Variants in UGCG observed in about 807,000 individuals in gnomAD.
The protein encoded by UGCG is ceramide glucosyltransferase.
Under a neutral mutation model 49.5 loss-of-function variants are expected in UGCG, and 10 were observed. The observed-to-expected ratio is 0.20, with a 90% CI of 0.12 to 0.34. The LOEUF (loss-of-function observed/expected upper bound fraction) is 0.34. Ranked by LOEUF, UGCG falls within the 10% of genes least tolerant of loss-of-function variation. The probability of loss-of-function intolerance (pLI) is 1.00; values close to 1 mark genes in which losing one functional copy is unlikely to be tolerated. For synonymous variants in UGCG, 182 were observed against 158.2 expected (o/e 1.15, Z -1.13); for missense variants, 312 against 483.7 (o/e 0.65, Z 3.33).
At chr9:111,899,404 CTT>C (rs1041855025) in intron 1 of UGCG, among the ~76,000 whole-genome samples, 1 of 152,140 alleles carries the variant, frequency 6.6e-6, no homozygotes, top group Non-Finnish European at 1.5e-5. Context: ...ACATTGAGCA[CTT>C]TTAAAATATG....
chr9:111,926,469 A>G lies in UGCG; in HGVS notation c.531A>G (p.Arg177=), dbSNP rs756186992. 55 of 1,610,422 alleles carry G rather than the reference A, an allele frequency of 3.4e-5. No individual in the cohort carries two copies. Among genetic ancestry groups the G allele is most frequent in the Non-Finnish European group, 4.4e-5 (52 of 1,177,592 alleles). ...ACGGGCTGCCTTACGTAGCAGACAGACAGGGCTTTGCTGCCACCTTAGAGC... is the reference window on the plus strand; with the variant it reads ...ACGGGCTGCCTTACGTAGCAGACAGGCAGGGCTTTGCTGCCACCTTAGAGC... ...LVHGLPYVAD[R]QGFAATLEQV... Residue 177 remains arginine (R), a synonymous_variant, in exon 5 of 9, where the codon AGA becomes AGG. Coordinates refer to ENST00000374279, the MANE Select transcript of UGCG (RefSeq NM_003358.3).
intron 1 of UGCG, among the ~76,000 whole-genome samples, chr9:111,897,554 TAAA>T (rs747232592): frequency 1.3e-5 from 2 of 152,150 alleles, no homozygotes; most frequent in Non-Finnish European, 2.9e-5. Flanking sequence ...CCAGCCAGGC[TAAA>T]GGAGACTGCT....
intron 4 of UGCG, among the ~76,000 whole-genome samples, chr9:111,925,644 T>TA (rs1366741043): frequency 2.0e-5 from 3 of 152,248 alleles, no homozygotes; most frequent in African/African-American, 7.2e-5. Context: ...AAGGTCCAAA[T>TA]ACAACTTTTC....
rs1837680350 is a variant in UGCG, at chr9:111,897,240, G to A, written c.25G>A (p.Glu9Lys). The A allele has an allele frequency of 1.3e-6, 2 of 1,553,268 alleles. No individual in the cohort carries two copies. Among genetic ancestry groups the A allele is most frequent in the African/African-American group, 1.4e-5 (1 of 73,304 alleles). The change falls in exon 1 of 9, where the codon GAG becomes AAG. Residue 9 changes from glutamate to lysine, a missense_variant. Glu to Lys is a moderately conservative substitution (Grantham distance 56). This residue lies in a region of UGCG where 65 missense variants were observed against 74.7 expected (regional missense o/e 0.87). Transcript: ENST00000374279. ...GATGGCGCTGCTGGACCTGGCCTTG[G>A]AGGGAATGGCCGTCTTCGGGTTCGT... is the stretch of plus-strand genomic sequence containing the variant. MALLDLAL[E>K]GMAVFGFVLF...
intron 1 of UGCG, among the ~76,000 whole-genome samples, chr9:111,898,519 T>TATTTCTTTG (rs1035748296): frequency 6.6e-6 from 1 of 152,186 alleles, no homozygotes; most frequent in Non-Finnish European, 1.5e-5. Context: ...GTTATACTGA[T>TATTTCTTTG]ATTTCTTTGA....
At position 111,897,171 on chromosome 9, in the gene UGCG, G is replaced by A; in HGVS notation, c.-45G>A. On this transcript the variant is annotated 5_prime_UTR_variant, in exon 1 of 9. It adds an upstream start codon to the 5' untranslated region. Transcript: ENST00000374279. The stretch of plus-strand genomic sequence containing the variant: ...TCCTCCTCCTGCGGGAGCGTTGTCC[G>A]TGTTGGCGGCCGCAGCGGGCCGGGC... The A allele has an allele frequency of 6.6e-7, 1 of 1,517,136 alleles. No homozygotes were observed. Among genetic ancestry groups the A allele is most frequent in the Non-Finnish European group, 8.9e-7 (1 of 1,129,466 alleles). The allele number at this position is 1,517,136 out of a possible 1,614,324, so 94.0% of individuals were successfully genotyped here. A position where few individuals can be genotyped will look rare whatever the true frequency, so the allele number is the denominator to read the frequency against.
At chr9:111,901,100 G>A (rs936830897) in intron 1 of UGCG, among the ~76,000 whole-genome samples, 1 of 152,146 alleles carries the variant, frequency 6.6e-6, no homozygotes, top group Non-Finnish European at 1.5e-5. Flanking sequence ...ACGGGCGTGA[G>A]CCACTGCGCC....
intron 1 of UGCG, among the ~76,000 whole-genome samples, chr9:111,912,422 A>G (rs1838027667): frequency 6.6e-6 from 1 of 152,026 alleles, no homozygotes; most frequent in African/African-American, 2.4e-5. Flanking sequence ...TACTAAAAAT[A>G]CAAAAAGTTA....
chr9:111,897,192 CG>C lies in UGCG; in HGVS notation c.-21del. On this transcript the variant is annotated 5_prime_UTR_variant, in exon 1 of 9. Transcript: ENST00000374279. ...GTCCGTGTTGGCGGCCGCAGCGGGC[CG>C]GGCCGGTCCGGCGGGCCGGGGGATG... The C allele has an allele frequency of 6.5e-7, 1 of 1,537,840 alleles. No homozygotes were observed. Among genetic ancestry groups the C allele is most frequent in the Non-Finnish European group, 8.7e-7 (1 of 1,143,942 alleles).
Position 111,922,983 on chromosome 9 carries a change from C to G in UGCG, c.343+32C>G, listed in dbSNP as rs1255898518. The stretch of plus-strand genomic sequence containing the variant: ...AACAAATTCTGTAGTAACCATTTTC[C>G]ATTGATAGTATTAAGTATCAGTAAT... On this transcript the variant is annotated intron_variant, in intron 3 of 8. Coordinates refer to ENST00000374279, the MANE Select transcript of UGCG (RefSeq NM_003358.3). 2.2e-6 allele frequency: 3 copies of G among 1,391,212 alleles called. No homozygotes were observed. In the South Asian group the frequency reaches 3.6e-5, roughly 16 times the overall value. The allele number at this position is 1,391,212 out of a possible 1,614,324, so 86.2% of individuals were successfully genotyped here.
intron 1 of UGCG, among the ~76,000 whole-genome samples, chr9:111,898,078 A>T (rs1420837062): frequency 6.7e-6 from 1 of 150,336 alleles, no homozygotes; most frequent in African/African-American, 2.5e-5. Context: ...CTTACATTCT[A>T]GAAGGAAGGA....
intron 1 of UGCG, among the ~76,000 whole-genome samples, chr9:111,897,925 A>C (rs1837695391): frequency 6.7e-6 from 1 of 149,302 alleles, no homozygotes; most frequent in East Asian, 2.0e-4. Flanking sequence ...TTATTGTTTT[A>C]TGTAGATTTG....
chr9:111,914,833 A>G, intron 2 of UGCG, 87 bp downstream of exon 2: 1 of 1,519,916 alleles, frequency 6.6e-7, no homozygotes, highest in Non-Finnish European at 8.8e-7. Context: ...ACACTGTATA[A>G]GGTGAAGGTA....
chr9:111,909,287 T>C lies in UGCG; in HGVS notation c.99-5318T>C, dbSNP rs554717115. The stretch of plus-strand genomic sequence containing the variant: ...AAAAACCACTGGGATTTAAAAAATG[T>C]TTTTGAAAAAAAATCACTGGGATTT... On this transcript the variant is annotated intron_variant, in intron 1 of 8. Coordinates refer to ENST00000374279, the MANE Select transcript of UGCG (RefSeq NM_003358.3). Among the ~76,000 whole-genome samples, 811 of 152,290 alleles carry C rather than the reference T, an allele frequency of 5.3e-3. 27 individuals are homozygous for C. The highest frequency in any genetic ancestry group is 1.1e-3 in the Non-Finnish European group (74 of 68,020).
In UGCG at chr9:111,930,471, T is replaced by TC. The variant is rs1838406000; in HGVS notation, c.737+793_737+794insC. 7.9e-5 allele frequency among the ~76,000 whole-genome samples: 3 copies of TC among 37,776 alleles called. 1 individual carries two copies. The South Asian group carries it at 2.5e-3, about 32-fold the overall frequency. 24.8% of individuals were successfully genotyped at this position (37,776 alleles called of 152,430 possible). A position where few individuals can be genotyped will look rare whatever the true frequency, so the allele number is the denominator to read the frequency against. The stretch of plus-strand genomic sequence containing the variant: ...TCACAAAATACTTGTTTTGTTTTGG[T>TC]TTTTTTTTTTTTTTTTGAGACAGTC... On this transcript the variant is annotated intron_variant, in intron 6 of 8. Coordinates refer to ENST00000374279, the MANE Select transcript of UGCG (RefSeq NM_003358.3).
chr9:111,911,760 G>A lies in UGCG; in HGVS notation c.99-2845G>A, dbSNP rs557963298. 1.5e-4 allele frequency among the ~76,000 whole-genome samples: 22 copies of A among 151,556 alleles called. No homozygotes were observed. The South Asian group carries it at 4.4e-3, about 30-fold the overall frequency. On this transcript the variant is annotated intron_variant, in intron 1 of 8. Coordinates refer to ENST00000374279, the MANE Select transcript of UGCG (RefSeq NM_003358.3). ...AAAAAAATAAAAAAATTAGCCTGGT[G>A]TGGTGGAGTGTACCTGTTATCCTAG...
chr9:111,925,898 CAT>C (rs1239061103), intron 4 of UGCG, among the ~76,000 whole-genome samples: 2 of 152,154 alleles, frequency 1.3e-5, no homozygotes, highest in Non-Finnish European at 2.9e-5. Context: ...TATTTACTAT[CAT>C]ATGTTTTTCA....
At chr9:111,914,878 A>G in intron 2 of UGCG, 132 bp downstream of exon 2, 1 of 1,321,718 alleles carries the variant, frequency 7.6e-7, no homozygotes, top group African/African-American at 1.5e-5. Context: ...CTCATAAAAT[A>G]TAACCTTTAG....
intron 5 of UGCG, among the ~76,000 whole-genome samples, chr9:111,928,863 T>G (rs952311502): frequency 4.6e-5 from 7 of 152,190 alleles, no homozygotes; most frequent in African/African-American, 1.7e-4. Context: ...ATATATCTTA[T>G]GACTTCAGAG....
Sources: allele counts gnomAD v4.1 joint callset (sites outside exome capture counted in the v4.1 genomes callset), GRCh38; gene constraint gnomAD v4.1.1; regional missense constraint gnomAD v4.1.1; transcripts MANE v1.5; gene names NCBI Gene and HGNC (gene_info 2026-07-23, HGNC 2026-07-21).